Variants in PIMREG observed in about 807,000 individuals in gnomAD.
The protein encoded by PIMREG is PICALM interacting mitotic regulator.
PIMREG carries 19 observed loss-of-function variants against 24.3 expected under a neutral mutation model. The ratio of observed to expected loss-of-function variants is 0.78; its 90% CI spans 0.54 to 1.15. The LOEUF (loss-of-function observed/expected upper bound fraction) is 1.15, where lower values mean the gene tolerates loss of function less well. Among genes scored for constraint, PIMREG ranks in the 50% most tolerant of loss-of-function variants. PIMREG has a pLI of 0.00. For missense variants in PIMREG, 283 were observed against 306.8 expected (o/e 0.92, Z 0.58); for synonymous variants, 112 against 124.1 (o/e 0.90, Z 0.65).
chr17:6,444,581 G>A lies in PIMREG; in HGVS notation c.-36+93G>A. 6.5e-6 allele frequency: 1 copy of A among 154,154 alleles called. No individual in the cohort carries two copies. The highest frequency in any genetic ancestry group is 1.4e-5 in the Non-Finnish European group (1 of 69,300). The allele number at this position is 154,154 out of a possible 1,614,324, so 9.5% of individuals were successfully genotyped here. A position where few individuals can be genotyped will look rare whatever the true frequency, so the allele number is the denominator to read the frequency against. Reference sequence around the variant, plus strand: ...CTCAAAACAATTTTTTTGTTCGGAGGGGAGGGCATCAGGTTCTGTTCACAG... The same window carrying A: ...CTCAAAACAATTTTTTTGTTCGGAGAGGAGGGCATCAGGTTCTGTTCACAG... On this transcript the variant is annotated intron_variant, in intron 1 of 5. Transcript: ENST00000572447. This position sits in a 1 kb window ranked among gnomAD's most constrained non-coding sequence, Gnocchi z 4.3.
chr17:6,448,817 G>C (rs1047804421), intron 3 of PIMREG, among the ~76,000 whole-genome samples: 22 of 152,174 alleles, frequency 1.4e-4, no homozygotes, highest in African/African-American at 5.3e-4. Context: ...GTAGTCACCA[G>C]GATGCATGTA....
rs759255108 is a variant in PIMREG at position 6,449,406 on chromosome 17, AG to A, written c.686+1del. On this transcript the variant is annotated frameshift_variant and splice_region_variant, in exon 4 of 6. Coordinates refer to ENST00000572447, the MANE Select transcript of PIMREG (RefSeq NM_019013.3). LOFTEE classifies it high-confidence loss of function. ...AGATGAAGCCATTATGGCGGAAGAG[AG>A]GTGAGTTGGCATCCCATGCTTCAAA... ...ELDEAIMAEESGDIVSLIHD is the reference protein window; with the variant it reads ...ELDEAIMAEEXGDIVSLIHD 6.2e-7 allele frequency: 1 copy of A among 1,611,914 alleles called. No homozygotes were observed. The highest frequency in any genetic ancestry group is 1.1e-5 in the South Asian group (1 of 90,762).
chr17:6,446,150 A>G (rs922352170), intron 2 of PIMREG: 2 of 400,658 alleles, frequency 5.0e-6, no homozygotes, highest in Non-Finnish European at 8.8e-6. Flanking sequence ...TTGCTGTCAA[A>G]TGAGAGCTGC....
Position 6,450,469 on chromosome 17 carries a change from T to C in PIMREG, c.*122T>C. 6.8e-7 allele frequency: 1 copy of C among 1,481,252 alleles called. No individual in the cohort carries two copies. Among genetic ancestry groups the C allele is most frequent in the Non-Finnish European group, 9.1e-7 (1 of 1,097,016 alleles). 91.8% of individuals were successfully genotyped at this position (1,481,252 alleles called of 1,614,324 possible). On this transcript the variant is annotated 3_prime_UTR_variant, in exon 6 of 6. Coordinates refer to ENST00000572447, the MANE Select transcript of PIMREG (RefSeq NM_019013.3). ...GGAGTCGTCAGTACCCCTGGGCCAC[T>C]GCTAACAAGCACCTAACAAGGGGCC...
rs1307562769 is a variant in PIMREG at position 6,447,562 on chromosome 17, C to T, written c.394C>T (p.Pro132Ser). 2 of 1,614,172 alleles carry T rather than the reference C, an allele frequency of 1.2e-6. No homozygotes were observed. Among genetic ancestry groups the T allele is most frequent in the African/African-American group, 2.7e-5 (2 of 75,068 alleles). ...AGGAGCACAGAAGGGCAGTGGATCC[C>T]CAACTCACAGCCTGAGCCAGAAGAG... ...KRGAQKGSGSPTHSLSQKSTR... is the reference protein window; with the variant it reads ...KRGAQKGSGSSTHSLSQKSTR... The change falls in exon 3 of 6, where the codon CCA becomes TCA. Residue 132 changes from proline to serine, a missense_variant. Pro to Ser is a moderately conservative substitution (Grantham distance 74). Transcript: ENST00000572447.
intron 2 of PIMREG, among the ~76,000 whole-genome samples, chr17:6,447,052 G>C (rs1051013026): frequency 9.2e-5 from 14 of 152,090 alleles, no homozygotes; most frequent in Non-Finnish European, 1.6e-4. Context: ...CTTGCTGAGT[G>C]TAGGGGTTGC....
intron 4 of PIMREG, 26 bp downstream of exon 4, chr17:6,449,433 G>A (rs777124070): frequency 1.0e-5 from 16 of 1,603,152 alleles, no homozygotes; most frequent in Non-Finnish European, 1.4e-5. Context: ...ATGCTTCAAA[G>A]TGAAGGGGCC....
rs1913623241 is a variant in PIMREG at position 6,447,462 on chromosome 17, G to C, written c.295-1G>C. ...CTAACCTTTCCATTTGCCTGTTCCAGAGAATCCAGGAGTCCTGCCAAAGTG... is the reference window on the plus strand; with the variant it reads ...CTAACCTTTCCATTTGCCTGTTCCACAGAATCCAGGAGTCCTGCCAAAGTG... On this transcript the variant is annotated splice_acceptor_variant, in intron 2 of 5. Coordinates refer to ENST00000572447, the MANE Select transcript of PIMREG (RefSeq NM_019013.3). LOFTEE classifies it high-confidence loss of function. 6.2e-7 allele frequency: 1 copy of C among 1,613,062 alleles called. No homozygotes were observed. The highest frequency in any genetic ancestry group is 2.2e-5 in the East Asian group (1 of 44,864).
intron 2 of PIMREG, chr17:6,446,140 TTGCTGTCAAATGAGAGC>T (rs748251476): frequency 8.3e-4 from 332 of 401,298 alleles, no homozygotes; most frequent in African/African-American, 5.8e-3. Context: ...TAGAGGGGAT[TTGCTGTCAAATGAGAGC>T]TGCTGTCAGG....
intron 2 of PIMREG, chr17:6,446,197 T>C (rs1913565346): frequency 7.5e-6 from 3 of 401,224 alleles, no homozygotes; most frequent in Non-Finnish European, 1.3e-5. Context: ...TGTAAGTGTC[T>C]GTGGACCCTT....
At chr17:6,449,944 G>A (rs1404512362) in intron 4 of PIMREG, 84 bp from the exon 5 acceptor site, 2 of 1,507,696 alleles carry the variant, frequency 1.3e-6, no homozygotes, top group African/African-American at 2.8e-5. Flanking sequence ...ACATTTCCGG[G>A]TCTGATCTTG....
At chr17:6,450,330 A>C in intron 5 of PIMREG, 32 bp from the exon 6 acceptor site, 2 of 1,534,800 alleles carry the variant, frequency 1.3e-6, no homozygotes, top group Non-Finnish European at 1.7e-6. Context: ...TCCTACCTTG[A>C]GCACAGTGAA....
rs187387695 is a variant in PIMREG at position 6,450,892 on chromosome 17, A to G, written c.*545A>G. 3 of 164,200 alleles carry G rather than the reference A, an allele frequency of 1.8e-5. No individual in the cohort carries two copies. Among genetic ancestry groups the G allele is most frequent in the African/African-American group, 4.8e-5 (2 of 41,922 alleles). 10.2% of individuals were successfully genotyped at this position (164,200 alleles called of 1,614,324 possible). The stretch of plus-strand genomic sequence containing the variant: ...CCTGGGCTCACGGGTACCTATTTAT[A>G]TGCTCAGTGCAGAGCACTGTGGATG... On this transcript the variant is annotated 3_prime_UTR_variant, in exon 6 of 6. Coordinates refer to ENST00000572447, the MANE Select transcript of PIMREG (RefSeq NM_019013.3).
Position 6,447,543 on chromosome 17 carries a change from A to G in PIMREG, c.375A>G (p.Ala125=). 1 of 1,614,166 alleles carries G rather than the reference A, an allele frequency of 6.2e-7. No individual in the cohort carries two copies. Among genetic ancestry groups the G allele is most frequent in the Non-Finnish European group, 8.5e-7 (1 of 1,180,024 alleles). Residue 125 remains alanine, a synonymous_variant, in exon 3 of 6, where the codon GCA becomes GCG. Transcript: ENST00000572447. ...AGGCCAGGAGGCGGAAGAGAGGAGC[A>G]CAGAAGGGCAGTGGATCCCCAACTC... ...QVKARRRKRG[A]QKGSGSPTHS...
chr17:6,449,790 C>T, intron 4 of PIMREG: 2 of 1,423,010 alleles, frequency 1.4e-6, no homozygotes, highest in South Asian at 3.2e-5. Context: ...TCTGTCTGCT[C>T]ATGGCCCCAT....
intron 2 of PIMREG, chr17:6,447,252 C>T: frequency 2.0e-6 from 1 of 509,560 alleles, no homozygotes. Flanking sequence ...GCTGGGATTA[C>T]AGGCACCCGC....
chr17:6,447,654 C>T lies in PIMREG; in HGVS notation c.486C>T (p.Arg162=). 6.2e-7 allele frequency: 1 copy of T among 1,614,106 alleles called. No individual in the cohort carries two copies. Among genetic ancestry groups the T allele is most frequent in the Non-Finnish European group, 8.5e-7 (1 of 1,179,978 alleles). Residue 162 remains arginine, a synonymous_variant, in exon 3 of 6, where the codon CGC becomes CGT. Transcript: ENST00000572447. ...ACCCCTGGGAGAAGGAGCATCACCG[C>T]CTCTCTGTCCGGATGGGCTCACATG... ...AADPWEKEHH[R]LSVRMGSHAH...
chr17:6,449,850 C>T, intron 4 of PIMREG, 178 bp from the exon 5 acceptor site: 1 of 1,402,716 alleles, frequency 7.1e-7, no homozygotes, highest in East Asian at 2.5e-5. Flanking sequence ...GGGGCTGTTT[C>T]CCCATTCCAC....
rs184346084 is a variant in PIMREG at position 6,444,906 on chromosome 17, G to A, written c.-35-170G>A. ...GGGACATCAGAAATGCTGCTGACCC[G>A]AGGCCCCTCTTCCAGGAAGCATCCT... On this transcript the variant is annotated intron_variant, in intron 1 of 5. Coordinates refer to ENST00000572447, the MANE Select transcript of PIMREG (RefSeq NM_019013.3). The surrounding 1 kb of genome is among the most constrained non-coding windows in gnomAD (Gnocchi z 4.3). 1.3e-5 allele frequency among the ~76,000 whole-genome samples: 2 copies of A among 152,176 alleles called. No homozygotes were observed. Among genetic ancestry groups the A allele is most frequent in the African/African-American group, 2.4e-5 (1 of 41,512 alleles).
Sources: gnomAD v4.1 joint callset for allele counts (sites outside exome capture counted in the v4.1 genomes callset) on GRCh38, gnomAD v4.1.1 for gene constraint, Gnocchi (gnomAD v3.1) non-coding constraint, MANE v1.5 for transcripts, NCBI Gene and HGNC (gene_info 2026-07-23, HGNC 2026-07-21) for gene names.